SMYD3: variants seen among roughly 807,000 people sequenced by gnomAD.
The protein encoded by SMYD3 is histone-lysine N-methyltransferase SMYD3.
Under a neutral mutation model 57.7 loss-of-function variants are expected in SMYD3, and 36 were observed. The observed-to-expected ratio is 0.62, with a 90% CI of 0.48 to 0.82. The LOEUF (loss-of-function observed/expected upper bound fraction) is 0.82, where lower values mean the gene tolerates loss of function less well. SMYD3 is among the 40% of genes least tolerant of loss of function. SMYD3 has a pLI of 0.00. For synonymous variants in SMYD3, 211 were observed against 195.0 expected, an observed-to-expected ratio of 1.08 and a Z score of -0.68; for missense variants, 515 against 538.8, an observed-to-expected ratio of 0.96 and a Z score of 0.44.
In SMYD3 at chr1:246,284,604, G is replaced by C. The variant is rs1217755095; in HGVS notation, c.531+42597C>G. Among the ~76,000 whole-genome samples the C allele has an allele frequency of 2.0e-5, 3 of 151,916 alleles. No individual in the cohort carries two copies. In the East Asian group the frequency reaches 5.8e-4, roughly 29 times the overall value. On this transcript the variant is annotated intron_variant, in intron 5 of 11. Transcript: ENST00000490107. ...GCTAATTTTTTGTATTTTTAGTAGA[G>C]ACGGGGTTTCACCATGTTAGCCAAG...
chr1:246,118,159 C>T (rs562376904), intron 5 of SMYD3, among the ~76,000 whole-genome samples: 1 of 152,256 alleles, frequency 6.6e-6, no homozygotes, highest in South Asian at 2.1e-4. Flanking sequence ...TAAATACACA[C>T]TAAAGGATAA....
intron 5 of SMYD3, among the ~76,000 whole-genome samples, chr1:246,166,686 A>G (rs1005004685): frequency 5.3e-5 from 8 of 152,314 alleles, no homozygotes; most frequent in East Asian, 1.9e-4. Flanking sequence ...TTAACTTGCT[A>G]TTGGCCCAAT....
At chr1:246,118,469 T>C (rs1189756047) in intron 5 of SMYD3, among the ~76,000 whole-genome samples, 3 of 152,246 alleles carry the variant, frequency 2.0e-5, no homozygotes, top group Non-Finnish European at 2.9e-5. Context: ...ATGTGCAATA[T>C]GGTGCACCTG....
chr1:245,982,131 T>C (rs1437644753), intron 5 of SMYD3, among the ~76,000 whole-genome samples: 2 of 151,832 alleles, frequency 1.3e-5, no homozygotes, highest in African/African-American at 4.8e-5. Flanking sequence ...ACAGCTGTAA[T>C]AGAATCACAT....
chr1:246,125,075 A>ACACACACACACACACACACACAC (rs1558250596), intron 5 of SMYD3, among the ~76,000 whole-genome samples: 1 of 73,664 alleles, frequency 1.4e-5, no homozygotes, highest in African/African-American at 3.9e-5. Context: ...CCGTCTCAAA[A>ACACACACACACACACACACACAC]AAAAAAAAAA....
rs560835073 is a variant in SMYD3 at position 246,361,704 on chromosome 1, C to T, written c.165-6610G>A. On this transcript the variant is annotated intron_variant, in intron 1 of 11. Coordinates refer to ENST00000490107, the MANE Select transcript of SMYD3 (RefSeq NM_001167740.2). ...GTAAAGTAACTCAGGAATGGAAAAC[C>T]AAACATCGTATGTTCTCACTCATAT... Among the ~76,000 whole-genome samples, 15 of 152,196 alleles carry T rather than the reference C, an allele frequency of 9.9e-5. No individual in the cohort carries two copies. The South Asian group carries it at 3.1e-3, about 32-fold the overall frequency.
At chr1:246,334,252 A>C (rs1195299189) in intron 3 of SMYD3, among the ~76,000 whole-genome samples, 1 of 152,208 alleles carries the variant, frequency 6.6e-6, no homozygotes, top group African/African-American at 2.4e-5. Context: ...AAAAAGATAC[A>C]TGTACTCATA....
intron 8 of SMYD3, among the ~76,000 whole-genome samples, chr1:245,886,825 G>A (rs1035237727): frequency 6.6e-6 from 1 of 152,130 alleles, no homozygotes; most frequent in African/African-American, 2.4e-5. Context: ...CAACCTCACT[G>A]TTCTAACAAT....
chr1:246,222,809 A>C (rs2063276908), intron 5 of SMYD3, among the ~76,000 whole-genome samples: 1 of 152,160 alleles, frequency 6.6e-6, no homozygotes, highest in Admixed American at 6.5e-5. Context: ...AATATACAGA[A>C]TATAATGAGT....
intron 5 of SMYD3, among the ~76,000 whole-genome samples, chr1:246,075,586 C>T (rs1297126875): frequency 2.0e-5 from 3 of 152,074 alleles, no homozygotes; most frequent in South Asian, 4.2e-4. Flanking sequence ...TACCAGCAGA[C>T]CTGTACTACC....
At chr1:245,849,788 G>A (rs577759246) in intron 10 of SMYD3, among the ~76,000 whole-genome samples, 30 of 152,066 alleles carry the variant, frequency 2.0e-4, no homozygotes, top group Non-Finnish European at 3.7e-4. Flanking sequence ...TGGTGGCTGG[G>A]ACTACAGGCA....
chr1:245,888,242 T>G (rs375702374), intron 8 of SMYD3, among the ~76,000 whole-genome samples: 94 of 152,348 alleles, frequency 6.2e-4, no homozygotes, highest in African/African-American at 2.1e-3. Context: ...TATTCAGTAG[T>G]AAAGCCAACC....
In SMYD3 at chr1:245,947,862, T is replaced by C. The variant is rs561448733; in HGVS notation, c.532-17925A>G. Among the ~76,000 whole-genome samples, 10 of 152,280 alleles carry C rather than the reference T, an allele frequency of 6.6e-5. No homozygotes were observed. In the South Asian group the frequency reaches 1.2e-3, roughly 19 times the overall value. On this transcript the variant is annotated intron_variant, in intron 5 of 11. Coordinates refer to ENST00000490107, the MANE Select transcript of SMYD3 (RefSeq NM_001167740.2). The stretch of plus-strand genomic sequence containing the variant: ...CAGAATTAATGAAATACAGTATCAC[T>C]ACATATACCTCTAGGTTTCCAGAAG...
intron 5 of SMYD3, among the ~76,000 whole-genome samples, chr1:245,994,117 T>C (rs2058874413): frequency 6.6e-6 from 1 of 152,202 alleles, no homozygotes; most frequent in Admixed American, 6.5e-5. Context: ...GCACTTTTCA[T>C]TACAGAAATA....
Position 246,363,276 on chromosome 1 carries a change from C to T in SMYD3, c.165-8182G>A, listed in dbSNP as rs866331486. Among the ~76,000 whole-genome samples the T allele has an allele frequency of 8.6e-5, 13 of 151,338 alleles. No individual in the cohort carries two copies. In the South Asian group the frequency reaches 1.7e-3, roughly 19 times the overall value. ...GGGGGTTAGCCCCCGCCAGGCCAGCCGCCCCGTCCGGGAGGGAGGTGGGGG... is the reference window on the plus strand; with the variant it reads ...GGGGGTTAGCCCCCGCCAGGCCAGCTGCCCCGTCCGGGAGGGAGGTGGGGG... On this transcript the variant is annotated intron_variant, in intron 1 of 11. Coordinates refer to ENST00000490107, the MANE Select transcript of SMYD3 (RefSeq NM_001167740.2).
intron 5 of SMYD3, among the ~76,000 whole-genome samples, chr1:246,310,043 A>G (rs1394422527): frequency 6.6e-6 from 1 of 152,240 alleles, no homozygotes; most frequent in African/African-American, 2.4e-5. Flanking sequence ...CCTAGTTAAT[A>G]TAACCTGGTA....
At chr1:245,866,289 T>G (rs1462253347) in intron 8 of SMYD3, among the ~76,000 whole-genome samples, 1 of 151,460 alleles carries the variant, frequency 6.6e-6, no homozygotes, top group Non-Finnish European at 1.5e-5. Context: ...TTGGGCTTTG[T>G]GGGCCTCTAT....
intron 5 of SMYD3, among the ~76,000 whole-genome samples, chr1:246,229,577 T>C (rs1259992527): frequency 6.6e-6 from 1 of 152,228 alleles, no homozygotes; most frequent in East Asian, 1.9e-4. Flanking sequence ...TACCTCAGAC[T>C]GGGTAATTTA....
At chr1:246,216,443 G>GA (rs541394349) in intron 5 of SMYD3, among the ~76,000 whole-genome samples, 38 of 152,176 alleles carry the variant, frequency 2.5e-4, no homozygotes, top group African/African-American at 8.7e-4. Context: ...CTCATTTGGG[G>GA]AAAAATATGC....
Sources: gnomAD v4.1 joint callset for allele counts (sites outside exome capture counted in the v4.1 genomes callset) on GRCh38, gnomAD v4.1.1 for gene constraint, MANE v1.5 for transcripts, NCBI Gene and HGNC (gene_info 2026-07-23, HGNC 2026-07-21) for gene names.